The following ZNF407 variants were observed in gnomAD, a reference collection of about 807,000 sequenced individuals.
ZNF407 encodes the protein zinc finger protein 407.
In ZNF407, 17 loss-of-function variants were observed where a neutral mutation model predicts 131.2. That is an observed-to-expected ratio of 0.13 (90% confidence interval 0.09 to 0.19). The LOEUF (loss-of-function observed/expected upper bound fraction) is 0.19, where lower values mean the gene tolerates loss of function less well. Ranked by LOEUF, ZNF407 falls within the 10% of genes least tolerant of loss-of-function variation. The probability of loss-of-function intolerance (pLI) is 1.00; values close to 1 mark genes in which losing one functional copy is unlikely to be tolerated. For missense variants in ZNF407, 2,681 were observed against 2,830.6 expected, an observed-to-expected ratio of 0.95 and a Z score of 1.20; for synonymous variants, 1,156 against 1,062.0, an observed-to-expected ratio of 1.09 and a Z score of -1.72.
rs183635301 is a variant in ZNF407, at chr18:74,733,407, C to A, written c.4803-48021C>A. Among the ~76,000 whole-genome samples, 35 of 152,104 alleles carry A rather than the reference C, an allele frequency of 2.3e-4. 1 individual carries two copies. Among genetic ancestry groups the A allele is most frequent in the Middle Eastern group, 3.4e-3 (1 of 294 alleles). On this transcript the variant is annotated intron_variant, in intron 3 of 8. Transcript: ENST00000299687. Reference sequence around the variant, plus strand: ...ATAAGATTTCTTCTTTCAAAAGTAACCCCATCTAATTTTCTTTTCCTCTTT... The same window carrying A: ...ATAAGATTTCTTCTTTCAAAAGTAAACCCATCTAATTTTCTTTTCCTCTTT...
intron 4 of ZNF407, among the ~76,000 whole-genome samples, chr18:74,792,261 A>G (rs1453104362): frequency 1.3e-5 from 2 of 152,012 alleles, no homozygotes; most frequent in Non-Finnish European, 2.9e-5. Flanking sequence ...TTTCATGCTA[A>G]TCACACAGAG....
chr18:74,668,624 A>G (rs376970724), intron 3 of ZNF407, among the ~76,000 whole-genome samples: 3 of 152,240 alleles, frequency 2.0e-5, no homozygotes, highest in African/African-American at 4.8e-5. Flanking sequence ...ATAAACTGGT[A>G]TTTGTTTAGC....
chr18:74,820,705 A>G (rs1449563868), intron 4 of ZNF407, among the ~76,000 whole-genome samples: 2 of 152,208 alleles, frequency 1.3e-5, no homozygotes, highest in African/African-American at 4.8e-5. Context: ...TTGACCTGAA[A>G]CACAAGTGCA....
At position 74,599,309 on chromosome 18, in the gene ZNF407, A is replaced by AT. The variant is rs200622662; in HGVS notation, c.-54+1381dup. Among the ~76,000 whole-genome samples the AT allele has an allele frequency of 8.0e-4, 122 of 151,738 alleles. 1 individual carries two copies. Among genetic ancestry groups the AT allele is most frequent in the Middle Eastern group, 3.4e-3 (1 of 294 alleles). ...CTCACAACACAGTTGCTACTGGTGC[A>AT]TTTTTTTTTAAACTTTATTTCGGAA... On this transcript the variant is annotated intron_variant, in intron 1 of 8. Coordinates refer to ENST00000299687, the MANE Select transcript of ZNF407 (RefSeq NM_017757.3).
intron 3 of ZNF407, among the ~76,000 whole-genome samples, chr18:74,736,679 A>T (rs1170138834): frequency 6.6e-6 from 1 of 152,104 alleles, no homozygotes; most frequent in Non-Finnish European, 1.5e-5. Flanking sequence ...TGCCTTTGTC[A>T]GTTGTTTTCA....
chr18:74,884,941 T>A (rs1971287438), intron 6 of ZNF407, among the ~76,000 whole-genome samples: 1 of 152,144 alleles, frequency 6.6e-6, no homozygotes, highest in East Asian at 1.9e-4. Context: ...AATGAATAGT[T>A]TGAAGACACC....
intron 3 of ZNF407, among the ~76,000 whole-genome samples, chr18:74,735,576 G>A (rs1396608494): frequency 6.6e-6 from 1 of 152,180 alleles, no homozygotes; most frequent in East Asian, 1.9e-4. Context: ...CCGTTGAGGA[G>A]AGTGCCCAAG....
chr18:74,630,693 A>G (rs1301115669), intron 1 of ZNF407, among the ~76,000 whole-genome samples: 1 of 151,960 alleles, frequency 6.6e-6, no homozygotes, highest in Non-Finnish European at 1.5e-5. Context: ...CAGAGAATTG[A>G]AATATGGGAG....
intron 8 of ZNF407, among the ~76,000 whole-genome samples, chr18:75,050,876 G>C (rs1477343510): frequency 1.3e-5 from 2 of 152,194 alleles, no homozygotes; most frequent in African/African-American, 4.8e-5. Flanking sequence ...CAGGTGTCCT[G>C]AGGAATCAAA....
chr18:74,693,272 GATT>G, intron 3 of ZNF407, among the ~76,000 whole-genome samples: 1 of 152,326 alleles, frequency 6.6e-6, no homozygotes, highest in East Asian at 1.9e-4. Flanking sequence ...GACTTTTGCA[GATT>G]ATCCGACTCT....
At chr18:75,054,916 C>A (rs1021504522) in intron 8 of ZNF407, among the ~76,000 whole-genome samples, 2 of 152,228 alleles carry the variant, frequency 1.3e-5, no homozygotes, top group Admixed American at 6.5e-5. Flanking sequence ...CTGAAGGGCA[C>A]TGTTACGTGT....
intron 1 of ZNF407, among the ~76,000 whole-genome samples, chr18:74,619,403 A>G (rs1485576562): frequency 6.6e-6 from 1 of 152,132 alleles, no homozygotes; most frequent in African/African-American, 2.4e-5. Flanking sequence ...AATTTATTAT[A>G]TGTTTCTTTA....
chr18:74,807,105 A>G (rs561059821), intron 4 of ZNF407, among the ~76,000 whole-genome samples: 5 of 152,370 alleles, frequency 3.3e-5, no homozygotes, highest in African/African-American at 1.2e-4. Flanking sequence ...TGTTTACAGT[A>G]GGCACCTCTG....
chr18:74,985,048 A>G (rs1231141440), intron 8 of ZNF407, among the ~76,000 whole-genome samples: 1 of 152,254 alleles, frequency 6.6e-6, no homozygotes, highest in Non-Finnish European at 1.5e-5. Context: ...GCAGTGATAC[A>G]TTAGTGACCC....
intron 3 of ZNF407, among the ~76,000 whole-genome samples, chr18:74,694,927 C>T (rs865948829): frequency 6.4e-4 from 98 of 152,188 alleles, no homozygotes; most frequent in African/African-American, 2.0e-3. Context: ...AATGGTATTT[C>T]ATATATTCTA....
chr18:75,044,784 ATTATTT>A (rs1973413660), intron 8 of ZNF407, among the ~76,000 whole-genome samples: 2 of 152,172 alleles, frequency 1.3e-5, no homozygotes, highest in Non-Finnish European at 2.9e-5. Flanking sequence ...AACTATTCAC[ATTATTT>A]TTATGTGTGT....
At chr18:74,889,832 G>T in intron 6 of ZNF407, 86 bp from the exon 7 acceptor site, 1 of 1,248,858 alleles carries the variant, frequency 8.0e-7, no homozygotes, top group Non-Finnish European at 1.1e-6. Flanking sequence ...GGAAATAAAT[G>T]TTTTTTAAAT....
intron 8 of ZNF407, among the ~76,000 whole-genome samples, chr18:75,052,296 G>A (rs1418373991): frequency 1.3e-5 from 2 of 152,004 alleles, no homozygotes; most frequent in Non-Finnish European, 2.9e-5. Context: ...ACATTACCTC[G>A]CTGTTATCTG....
intron 3 of ZNF407, among the ~76,000 whole-genome samples, chr18:74,765,421 G>T (rs2144984897): frequency 6.6e-6 from 1 of 152,210 alleles, no homozygotes; most frequent in South Asian, 2.1e-4. Flanking sequence ...CTTGTTCTGA[G>T]ATTGCAGTTA....
Sources: gnomAD v4.1 joint callset for allele counts (sites outside exome capture counted in the v4.1 genomes callset) on GRCh38, gnomAD v4.1.1 for gene constraint, MANE v1.5 for transcripts, NCBI Gene and HGNC (gene_info 2026-07-23, HGNC 2026-07-21) for gene names.